ALK: variants seen among roughly 807,000 people sequenced by gnomAD.
The protein encoded by ALK is ALK receptor tyrosine kinase.
Under a neutral mutation model 163.1 loss-of-function variants are expected in ALK, and 74 were observed. That is an observed-to-expected ratio of 0.45 (90% CI 0.38 to 0.55). ALK has a LOEUF of 0.55. Ranked by LOEUF, ALK falls within the 20% of genes least tolerant of loss-of-function variation. ALK has a pLI of 0.00. For synonymous variants in ALK, 960 were observed against 843.2 expected, an observed-to-expected ratio of 1.14 and a Z score of -2.40; for missense variants, 2,063 against 2,105.3, an observed-to-expected ratio of 0.98 and a Z score of 0.39.
At chr2:29,641,940 A>G (rs1405502334) in intron 3 of ALK, among the ~76,000 whole-genome samples, 1 of 152,194 alleles carries the variant, frequency 6.6e-6, no homozygotes, top group Non-Finnish European at 1.5e-5. Context: ...CCAGGTATAC[A>G]TAAGAATGAG....
chr2:29,397,988 C>T (rs549170243), intron 4 of ALK, among the ~76,000 whole-genome samples: 7 of 152,302 alleles, frequency 4.6e-5, no homozygotes, highest in South Asian at 2.1e-4. Flanking sequence ...ATTGTGCCAA[C>T]GATATGTTCA....
At chr2:29,764,280 G>A (rs909078937) in intron 1 of ALK, among the ~76,000 whole-genome samples, 3 of 152,144 alleles carry the variant, frequency 2.0e-5, no homozygotes, top group Non-Finnish European at 2.9e-5. Flanking sequence ...CAGCCAGAGA[G>A]GTGCCTGGGG....
At chr2:29,342,851 C>A (rs934914404) in intron 5 of ALK, among the ~76,000 whole-genome samples, 25 of 151,272 alleles carry the variant, frequency 1.7e-4, no homozygotes, top group African/African-American at 6.1e-4. Flanking sequence ...TCTGAGCTAA[C>A]CCGACACGGC....
chr2:29,880,694 G>A (rs1490565459), intron 1 of ALK, among the ~76,000 whole-genome samples: 1 of 152,194 alleles, frequency 6.6e-6, no homozygotes, highest in African/African-American at 2.4e-5. Flanking sequence ...TATGTGCTTG[G>A]TTATGGGAAA....
At chr2:29,556,531 T>A (rs1284374303) in intron 3 of ALK, among the ~76,000 whole-genome samples, 2 of 152,118 alleles carry the variant, frequency 1.3e-5, no homozygotes, top group Non-Finnish European at 1.5e-5. Flanking sequence ...AAGGTTGTAG[T>A]CTCTATATAA....
intron 1 of ALK, among the ~76,000 whole-genome samples, chr2:29,881,531 G>T (rs1005059508): frequency 6.6e-6 from 1 of 152,186 alleles, no homozygotes; most frequent in Non-Finnish European, 1.5e-5. Context: ...TTTTGTACTT[G>T]TGGGGCGGGC....
chr2:29,605,397 G>T (rs964945058), intron 3 of ALK, among the ~76,000 whole-genome samples: 1 of 152,196 alleles, frequency 6.6e-6, no homozygotes, highest in Non-Finnish European at 1.5e-5. Flanking sequence ...AAATGACCAG[G>T]ATTGAAAGGG....
At chr2:29,619,639 G>A (rs984637047) in intron 3 of ALK, among the ~76,000 whole-genome samples, 1 of 152,226 alleles carries the variant, frequency 6.6e-6, no homozygotes, top group Non-Finnish European at 1.5e-5. Flanking sequence ...GGACAGGACT[G>A]AGAACTTAGC....
chr2:29,526,733 T>A (rs957386738), intron 4 of ALK, among the ~76,000 whole-genome samples: 1 of 152,238 alleles, frequency 6.6e-6, no homozygotes, highest in Non-Finnish European at 1.5e-5. Context: ...GGAGGCTGAA[T>A]GCCACAGGCT....
chr2:29,314,733 T>C (rs1666781882), intron 8 of ALK, among the ~76,000 whole-genome samples: 1 of 152,182 alleles, frequency 6.6e-6, no homozygotes, highest in Non-Finnish European at 1.5e-5. Flanking sequence ...CCTGAGAACG[T>C]GGTTTAAATT....
In ALK at chr2:29,711,403, C is replaced by G. The variant is rs556703580; in HGVS notation, c.787+6175G>C. Among the ~76,000 whole-genome samples, 229 of 152,296 alleles carry G rather than the reference C, an allele frequency of 1.5e-3. 1 individual carries two copies. The highest frequency in any genetic ancestry group is 6.8e-3 in the Middle Eastern group (2 of 294). On this transcript the variant is annotated intron_variant, in intron 2 of 28. Coordinates refer to ENST00000389048, the MANE Select transcript of ALK (RefSeq NM_004304.5). ...TCCTCTACAGACCTGGTCCTCCCTCCTCTGTGTTCCTGGGCCTCTGTTACT... is the reference window on the plus strand; with the variant it reads ...TCCTCTACAGACCTGGTCCTCCCTCGTCTGTGTTCCTGGGCCTCTGTTACT...
At chr2:29,714,729 A>T (rs1679198837) in intron 2 of ALK, among the ~76,000 whole-genome samples, 2 of 152,190 alleles carry the variant, frequency 1.3e-5, no homozygotes, top group African/African-American at 4.8e-5. Flanking sequence ...TTTCCAGTCA[A>T]ATTTATCTGC....
intron 1 of ALK, among the ~76,000 whole-genome samples, chr2:29,851,772 A>G (rs1044512172): frequency 2.0e-5 from 3 of 152,152 alleles, no homozygotes; most frequent in South Asian, 2.1e-4. Flanking sequence ...ATGCAAACAA[A>G]TCCCCATTTC....
At chr2:29,398,518 C>T (rs937844522) in intron 4 of ALK, among the ~76,000 whole-genome samples, 13 of 152,118 alleles carry the variant, frequency 8.5e-5, no homozygotes, top group African/African-American at 2.9e-4. Context: ...ATGCAGTTTT[C>T]TTAAAAGCAA....
intron 1 of ALK, among the ~76,000 whole-genome samples, chr2:29,783,189 C>G (rs1230134179): frequency 6.6e-6 from 1 of 152,186 alleles, no homozygotes; most frequent in African/African-American, 2.4e-5. Flanking sequence ...ATCAATAGTT[C>G]TTCCCCCCTT....
intron 4 of ALK, among the ~76,000 whole-genome samples, chr2:29,529,180 T>C (rs1673049836): frequency 6.6e-6 from 1 of 152,188 alleles, no homozygotes; most frequent in Non-Finnish European, 1.5e-5. Context: ...ACACAGTGGT[T>C]TCCGGGGAAC....
At chr2:29,680,292 T>C (rs1678024722) in intron 3 of ALK, among the ~76,000 whole-genome samples, 1 of 152,096 alleles carries the variant, frequency 6.6e-6, no homozygotes, top group Non-Finnish European at 1.5e-5. Flanking sequence ...TTTTCTCTCT[T>C]ATAGGACTTC....
intron 1 of ALK, among the ~76,000 whole-genome samples, chr2:29,818,700 C>G (rs1006388728): frequency 5.4e-4 from 82 of 152,252 alleles, no homozygotes; most frequent in African/African-American, 1.9e-3. Context: ...GTGGCTGGCA[C>G]AGCGTGAGGC....
chr2:29,531,800 A>C, intron 4 of ALK, 115 bp downstream of exon 4: 1 of 1,108,782 alleles, frequency 9.0e-7, no homozygotes, highest in Non-Finnish European at 1.4e-6. Flanking sequence ...ACCTGGACCT[A>C]CCGATTAAAG....
Sources: gnomAD v4.1 joint callset for allele counts (sites outside exome capture counted in the v4.1 genomes callset) on GRCh38, gnomAD v4.1.1 for gene constraint, MANE v1.5 for transcripts, NCBI Gene and HGNC (gene_info 2026-07-23, HGNC 2026-07-21) for gene names.